The following PCSK5 variants were observed in gnomAD, a reference collection of about 807,000 sequenced individuals.
PCSK5 encodes the protein prohormone convertase 5.
In PCSK5, 129 loss-of-function variants were observed where a neutral mutation model predicts 233.2. The ratio of observed to expected loss-of-function variants is 0.55; its 90% CI spans 0.48 to 0.64. The LOEUF (loss-of-function observed/expected upper bound fraction) is 0.64. Ranked by LOEUF, PCSK5 falls within the 30% of genes least tolerant of loss-of-function variation. The pLI is 0.00. For synonymous variants in PCSK5, 825 were observed against 879.2 expected, an observed-to-expected ratio of 0.94 and a Z score of 1.09; for missense variants, 2,076 against 2,430.1, an observed-to-expected ratio of 0.85 and a Z score of 3.06.
intron 2 of PCSK5, among the ~76,000 whole-genome samples, chr9:75,959,331 G>A (rs932597178): frequency 1.3e-5 from 2 of 152,126 alleles, no homozygotes; most frequent in African/African-American, 4.8e-5. Context: ...CTCAAGCTAA[G>A]GTGTGTGAAT....
At chr9:76,047,174 G>A (rs910547562) in intron 5 of PCSK5, among the ~76,000 whole-genome samples, 1 of 150,276 alleles carries the variant, frequency 6.7e-6, no homozygotes, top group Admixed American at 6.6e-5. Context: ...TCGGCTCACT[G>A]CAAGCTCCGC....
intron 20 of PCSK5, among the ~76,000 whole-genome samples, chr9:76,203,825 C>T (rs1463264256): frequency 6.6e-6 from 1 of 152,152 alleles, no homozygotes. Context: ...TTGATCTTTT[C>T]AAGACATGGT....
chr9:75,946,812 A>G (rs1824594877), intron 2 of PCSK5, among the ~76,000 whole-genome samples: 1 of 151,502 alleles, frequency 6.6e-6, no homozygotes, highest in Admixed American at 6.6e-5. Flanking sequence ...CTGGTCTTGA[A>G]CTCCTGACCT....
intron 8 of PCSK5, among the ~76,000 whole-genome samples, chr9:76,103,132 T>C (rs1309903842): frequency 6.6e-6 from 1 of 152,346 alleles, no homozygotes; most frequent in Admixed American, 6.5e-5. Context: ...TAGTCTTCGG[T>C]TCTTTTTTAT....
At chr9:76,036,401 C>T (rs1234482097) in intron 5 of PCSK5, among the ~76,000 whole-genome samples, 3 of 152,272 alleles carry the variant, frequency 2.0e-5, no homozygotes, top group Non-Finnish European at 2.9e-5. Flanking sequence ...CTCATAAAAT[C>T]GTTCACCAAA....
chr9:76,293,452 T>G (rs960461805), intron 25 of PCSK5, among the ~76,000 whole-genome samples: 7 of 152,208 alleles, frequency 4.6e-5, no homozygotes, highest in African/African-American at 1.4e-4. Flanking sequence ...TTTGGGTTTT[T>G]TTTGTTTGTT....
At chr9:76,167,805 G>GATTTGTGTGTTCTGA (rs1394889441) in intron 12 of PCSK5, among the ~76,000 whole-genome samples, 1 of 152,106 alleles carries the variant, frequency 6.6e-6, no homozygotes, top group Non-Finnish European at 1.5e-5. Flanking sequence ...AAAGAGAGTT[G>GATTTGTGTGTTCTGA]ATTTGTGTGT....
chr9:75,897,173 C>T (rs1471474462), intron 1 of PCSK5, among the ~76,000 whole-genome samples: 1 of 152,070 alleles, frequency 6.6e-6, no homozygotes, highest in Non-Finnish European at 1.5e-5. Context: ...GCATAGGGAG[C>T]ATTATATGAT....
chr9:76,020,773 A>G (rs535751721), intron 3 of PCSK5, among the ~76,000 whole-genome samples: 38 of 152,326 alleles, frequency 2.5e-4, no homozygotes, highest in African/African-American at 8.2e-4. Context: ...AATTTCAGGC[A>G]GCATCCCTCC....
rs1830487338 is a variant in PCSK5 at position 76,071,707 on chromosome 9, TCTC to T, written c.722-16_722-14del. 6.2e-7 allele frequency: 1 copy of T among 1,602,940 alleles called. No individual in the cohort carries two copies. Among genetic ancestry groups the T allele is most frequent in the Non-Finnish European group, 8.5e-7 (1 of 1,173,218 alleles). ...TAGGGAAGCCCTGTAATGAGCTAGTTCTCCTTTCTGTGTTGAAGGAGTGCGAAT... is the reference window on the plus strand; with the variant it reads ...TAGGGAAGCCCTGTAATGAGCTAGTTCTTTCTGTGTTGAAGGAGTGCGAAT... On this transcript the variant is annotated splice_polypyrimidine_tract_variant and intron_variant, in intron 6 of 37. Coordinates refer to ENST00000674117, the MANE Select transcript of PCSK5 (RefSeq NM_001372043.1).
chr9:76,253,626 C>T (rs528969172), intron 24 of PCSK5, among the ~76,000 whole-genome samples: 61 of 152,224 alleles, frequency 4.0e-4, no homozygotes, highest in Admixed American at 6.5e-4. Context: ...TCACTTGTTC[C>T]GTTTATTCCA....
At chr9:76,065,951 G>C (rs78069021) in intron 5 of PCSK5, among the ~76,000 whole-genome samples, 2,439 of 152,268 alleles carry the variant, frequency 0.016, 73 homozygotes, top group African/African-American at 0.055. Context: ...TCAAAAGTCA[G>C]TTGGCTGTAT....
chr9:76,119,867 T>C (rs1381241286), intron 9 of PCSK5, among the ~76,000 whole-genome samples: 2 of 152,042 alleles, frequency 1.3e-5, no homozygotes, highest in Non-Finnish European at 2.9e-5. Context: ...TGCTGTGCCA[T>C]CATTTAGTAG....
chr9:76,327,137 C>T (rs183331124), intron 32 of PCSK5, among the ~76,000 whole-genome samples: 5 of 148,260 alleles, frequency 3.4e-5, no homozygotes, highest in African/African-American at 5.0e-5. Flanking sequence ...GACAGGGTCT[C>T]ACTCTGTCAC....
chr9:76,202,271 C>T (rs546718435), intron 20 of PCSK5, among the ~76,000 whole-genome samples: 1 of 152,318 alleles, frequency 6.6e-6, no homozygotes, highest in Admixed American at 6.5e-5. Flanking sequence ...TAGTCTAACA[C>T]TTTGGATCAA....
chr9:76,236,784 C>T (rs2131323970), intron 22 of PCSK5, among the ~76,000 whole-genome samples: 1 of 152,230 alleles, frequency 6.6e-6, no homozygotes, highest in South Asian at 2.1e-4. Context: ...ATTATAACAC[C>T]CAAAGAGGCA....
chr9:75,924,987 CAGTGA>C (rs910165143), intron 1 of PCSK5, among the ~76,000 whole-genome samples: 19 of 152,158 alleles, frequency 1.2e-4, no homozygotes, highest in African/African-American at 4.6e-4. Flanking sequence ...TGTGAGGCGG[CAGTGA>C]AGTAATGGCT....
rs551833156 is a variant in PCSK5, at chr9:76,361,526, C to T, written c.*2604C>T. On this transcript the variant is annotated 3_prime_UTR_variant, in exon 38 of 38. Coordinates refer to ENST00000674117, the MANE Select transcript of PCSK5 (RefSeq NM_001372043.1). ...ATCAGCCTTGGACAACATAGTGAGA[C>T]TCCCGTGTCTACAAAAAATTTAAAA... 6.6e-6 allele frequency: 1 copy of T among 151,982 alleles called. No homozygotes were observed. The highest frequency in any genetic ancestry group is 2.4e-5 in the African/African-American group (1 of 41,442). 9.4% of individuals were successfully genotyped at this position (151,982 alleles called of 1,614,324 possible).
At chr9:76,170,837 G>A (rs528423673) in intron 13 of PCSK5, among the ~76,000 whole-genome samples, 26 of 152,316 alleles carry the variant, frequency 1.7e-4, no homozygotes, top group Non-Finnish European at 2.9e-4. Context: ...TAAAGGGCAC[G>A]TTTGCCAGAC....
Sources: gnomAD v4.1 joint callset for allele counts (sites outside exome capture counted in the v4.1 genomes callset) on GRCh38, gnomAD v4.1.1 for gene constraint, MANE v1.5 for transcripts, NCBI Gene and HGNC (gene_info 2026-07-23, HGNC 2026-07-21) for gene names.